Variants in LRCH3 observed in about 807,000 individuals in gnomAD.
The protein encoded by LRCH3 is DISP complex protein LRCH3.
In LRCH3, 68 loss-of-function variants were observed where a neutral mutation model predicts 104.5. The ratio of observed to expected loss-of-function variants is 0.65; its 90% CI spans 0.54 to 0.80. LRCH3 has a LOEUF of 0.80. Among genes scored for constraint, LRCH3 ranks in the 30% least tolerant of loss-of-function variants. The pLI is 0.00. For synonymous variants in LRCH3, 344 were observed against 361.3 expected (o/e 0.95, Z 0.54); for missense variants, 951 against 953.9 (o/e 1.00, Z 0.04).
At chr3:197,852,928 T>C (rs1298907671) in intron 13 of LRCH3, among the ~76,000 whole-genome samples, 2 of 152,162 alleles carry the variant, frequency 1.3e-5, no homozygotes, top group Non-Finnish European at 2.9e-5. Flanking sequence ...GAGCTTTACC[T>C]GGTACAGGTA....
intron 5 of LRCH3, among the ~76,000 whole-genome samples, chr3:197,828,368 A>C (rs1194633640): frequency 6.6e-6 from 1 of 151,570 alleles, no homozygotes; most frequent in East Asian, 1.9e-4. Context: ...TTTTGTGAGA[A>C]GGAGTCTCGC....
chr3:197,882,161 G>A, intron 20 of LRCH3: 1 of 985,430 alleles, frequency 1.0e-6, no homozygotes, highest in Non-Finnish European at 1.2e-6. Context: ...GGAGGTGAGG[G>A]TGCCCCAGAA....
At position 197,866,139 on chromosome 3, in the gene LRCH3, C is replaced by T. The variant is rs760927234; in HGVS notation, c.1793C>T (p.Pro598Leu). The change falls in exon 17 of 21, where the codon CCT becomes CTT. Residue 598 changes from proline to leucine, a missense_variant. Pro to Leu is a moderately conservative substitution (Grantham distance 98). Transcript: ENST00000425562. ...CATCATTCCCCTGCATATTCTTTTC[C>T]TGCTGCTATCCAGAGAAATCAGCCT... The part of the protein sequence containing the change: ...TVHHSPAYSF[P>L]AAIQRNQPQR... 2.9e-5 allele frequency: 47 copies of T among 1,613,524 alleles called. No homozygotes were observed. The highest frequency in any genetic ancestry group is 3.8e-5 in the Non-Finnish European group (45 of 1,179,780).
chr3:197,835,016 C>T (rs891777305), intron 8 of LRCH3, among the ~76,000 whole-genome samples: 33 of 152,090 alleles, frequency 2.2e-4, no homozygotes, highest in Middle Eastern at 3.4e-3. Context: ...TGGTGGTGCA[C>T]ACCTGTAATC....
chr3:197,870,215 C>G lies in LRCH3; in HGVS notation c.1929C>G (p.Ser643=), dbSNP rs1184894120. 3.7e-6 allele frequency: 6 copies of G among 1,612,876 alleles called. No individual in the cohort carries two copies. The East Asian group carries it at 1.1e-4, about 30-fold the overall frequency. The change falls in exon 18 of 21, where the codon TCC becomes TCG. Residue 643 remains serine (S), a synonymous_variant. Transcript: ENST00000425562. Reference sequence around the variant, plus strand: ...CACCTACCACTGATTCTACAGATTCCATAACAGGACAGAATTCAAGACAGA... The same window carrying G: ...CACCTACCACTGATTCTACAGATTCGATAACAGGACAGAATTCAAGACAGA... ...SAAPTTDSTD[S]ITGQNSRQRE...
At chr3:197,832,777 G>C (rs1736137461) in intron 8 of LRCH3, among the ~76,000 whole-genome samples, 2 of 146,662 alleles carry the variant, frequency 1.4e-5, no homozygotes, top group Non-Finnish European at 3.0e-5. Context: ...TCCTTATTCT[G>C]ACATTAAAAA....
intron 1 of LRCH3, among the ~76,000 whole-genome samples, chr3:197,798,414 G>A (rs895585355): frequency 6.6e-6 from 1 of 152,220 alleles, no homozygotes; most frequent in African/African-American, 2.4e-5. Flanking sequence ...TACAGAAAAT[G>A]AGAAAGCAAA....
chr3:197,866,512 T>C (rs1418551892), intron 17 of LRCH3, among the ~76,000 whole-genome samples: 1 of 152,236 alleles, frequency 6.6e-6, no homozygotes, highest in Non-Finnish European at 1.5e-5. Flanking sequence ...GAACTCTTTT[T>C]CACATTTTTC....
At chr3:197,824,433 G>T (rs1434881174) in intron 4 of LRCH3, among the ~76,000 whole-genome samples, 1 of 147,582 alleles carries the variant, frequency 6.8e-6, no homozygotes, top group Non-Finnish European at 1.5e-5. Flanking sequence ...GTGTGTCTAT[G>T]GCTAATTCCA....
At chr3:197,831,636 G>C (rs1005498537) in intron 7 of LRCH3, among the ~76,000 whole-genome samples, 5 of 151,816 alleles carry the variant, frequency 3.3e-5, no homozygotes, top group African/African-American at 1.2e-4. Context: ...ATAATTTATG[G>C]AGTCATGAAT....
At chr3:197,817,101 A>T in intron 2 of LRCH3, 75 bp from the exon 3 acceptor site, 1 of 1,327,646 alleles carries the variant, frequency 7.5e-7, no homozygotes, top group Non-Finnish European at 1.0e-6. Flanking sequence ...TTTACTGAGT[A>T]TAGCGTGAGA....
chr3:197,823,608 C>G (rs908922157), intron 4 of LRCH3: 1 of 152,352 alleles, frequency 6.6e-6, no homozygotes, highest in African/African-American at 2.4e-5. Context: ...CCCATCTGAG[C>G]CTTCCAAGTA....
chr3:197,881,092 TTTTC>T lies in LRCH3; in HGVS notation c.2209-2448_2209-2445del, dbSNP rs541740296. ...CACAATACAACTCCCATCTGGCCAT[TTTTC>T]CGTGCCTCAGCACAAGTGTTGAATT... On this transcript the variant is annotated intron_variant, in intron 20 of 20. Transcript: ENST00000425562. The T allele has an allele frequency of 5.4e-3, 5,746 of 1,066,642 alleles. 30 individuals carry two copies. The highest frequency in any genetic ancestry group is 6.2e-3 in the Non-Finnish European group (5,477 of 880,350). The allele number at this position is 1,066,642 out of a possible 1,614,324, so 66.1% of individuals were successfully genotyped here.
chr3:197,802,775 TA>T (rs1732044080), intron 1 of LRCH3, among the ~76,000 whole-genome samples: 1 of 152,218 alleles, frequency 6.6e-6, no homozygotes, highest in Non-Finnish European at 1.5e-5. Context: ...TGTTGGCGTA[TA>T]ACTTTTGAGT....
chr3:197,870,060 C>T, intron 17 of LRCH3, 100 bp from the exon 18 acceptor site: 1 of 1,211,510 alleles, frequency 8.3e-7, no homozygotes. Context: ...AGGTAGAAAG[C>T]CATGCACTGC....
chr3:197,806,823 A>G (rs1394841300), intron 1 of LRCH3, among the ~76,000 whole-genome samples: 1 of 151,396 alleles, frequency 6.6e-6, no homozygotes, highest in Non-Finnish European at 1.5e-5. Context: ...AAGTGCTGGG[A>G]TTACAGGTGT....
intron 1 of LRCH3, among the ~76,000 whole-genome samples, chr3:197,802,777 A>G (rs980901292): frequency 1.3e-5 from 2 of 152,190 alleles, no homozygotes; most frequent in African/African-American, 2.4e-5. Context: ...TTGGCGTATA[A>G]CTTTTGAGTA....
At position 197,865,407 on chromosome 3, in the gene LRCH3, G is replaced by A; in HGVS notation, c.1717-16G>A. 6.6e-7 allele frequency: 1 copy of A among 1,522,984 alleles called. No individual in the cohort carries two copies. The highest frequency in any genetic ancestry group is 9.0e-7 in the Non-Finnish European group (1 of 1,112,258). 94.3% of individuals were successfully genotyped at this position (1,522,984 alleles called of 1,614,324 possible). On this transcript the variant is annotated splice_polypyrimidine_tract_variant and intron_variant, in intron 15 of 20. Transcript: ENST00000425562. ...TCTTGAATAACAATTATTGATATATGTCTGTTTCTCCACAGAGTGATGACA... is the reference window on the plus strand; with the variant it reads ...TCTTGAATAACAATTATTGATATATATCTGTTTCTCCACAGAGTGATGACA...
At chr3:197,815,127 T>C (rs1733655784) in intron 2 of LRCH3, 75 bp downstream of exon 2, 4 of 863,730 alleles carry the variant, frequency 4.6e-6, no homozygotes, top group Non-Finnish European at 6.9e-6. Flanking sequence ...CCCTAAAATA[T>C]TTACCTATAT....
Sources: allele counts gnomAD v4.1 joint callset (sites outside exome capture counted in the v4.1 genomes callset), GRCh38; gene constraint gnomAD v4.1.1; transcripts MANE v1.5; gene names NCBI Gene and HGNC (gene_info 2026-07-23, HGNC 2026-07-21).